The following MGAT4C variants were observed in gnomAD, a reference collection of about 807,000 sequenced individuals.
The protein encoded by MGAT4C is alpha-1,3-mannosyl-glycoprotein 4-beta-N-acetylglucosaminyltransferase C.
MGAT4C carries 19 observed loss-of-function variants against 40.1 expected under a neutral mutation model. That is an observed-to-expected ratio of 0.47 (90% CI 0.33 to 0.70). The LOEUF (loss-of-function observed/expected upper bound fraction) is 0.70. Among genes scored for constraint, MGAT4C ranks in the 30% least tolerant of loss-of-function variants. The pLI, the probability that MGAT4C is intolerant of heterozygous loss-of-function variation, is 0.02. For missense variants in MGAT4C, 491 were observed against 563.2 expected (o/e 0.87, Z 1.30); for synonymous variants, 181 against 187.1 (o/e 0.97, Z 0.27).
At chr12:86,813,951 C>T (rs1001877412) in intron 1 of MGAT4C, among the ~76,000 whole-genome samples, 4 of 151,686 alleles carry the variant, frequency 2.6e-5, no homozygotes, top group Admixed American at 1.3e-4. Flanking sequence ...CGCTCTGTTG[C>T]CTAGGCTAGA....
intron 2 of MGAT4C, among the ~76,000 whole-genome samples, chr12:86,633,024 T>C (rs1963110346): frequency 6.6e-6 from 1 of 152,038 alleles, no homozygotes; most frequent in South Asian, 2.1e-4. Context: ...AAGTGTGTTT[T>C]CTTATTTTAT....
intron 3 of MGAT4C, among the ~76,000 whole-genome samples, chr12:86,395,530 G>C (rs899574418): frequency 3.3e-5 from 5 of 152,084 alleles, no homozygotes; most frequent in African/African-American, 1.2e-4. Context: ...TTAAAGCTTG[G>C]ATTACACATT....
intron 2 of MGAT4C, among the ~76,000 whole-genome samples, chr12:86,571,015 A>G (rs1220312488): frequency 6.6e-6 from 1 of 152,012 alleles, no homozygotes; most frequent in African/African-American, 2.4e-5. Flanking sequence ...GGGTTTCCCC[A>G]TATTGCCCAG....
At chr12:86,127,192 G>A (rs1191264903) in intron 1 of MGAT4C, among the ~76,000 whole-genome samples, 2 of 152,172 alleles carry the variant, frequency 1.3e-5, no homozygotes, top group Non-Finnish European at 2.9e-5. Context: ...TACATACCTA[G>A]GCTATATGGT....
chr12:86,784,533 T>C (rs914282847), intron 1 of MGAT4C, among the ~76,000 whole-genome samples: 13 of 152,078 alleles, frequency 8.5e-5, no homozygotes, highest in African/African-American at 3.1e-4. Context: ...GGCTCCATCC[T>C]TGTGATCTCA....
chr12:85,984,590 C>T (rs1407690562), intron 3 of MGAT4C, among the ~76,000 whole-genome samples: 1 of 152,036 alleles, frequency 6.6e-6, no homozygotes, highest in Non-Finnish European at 1.5e-5. Flanking sequence ...TTTTGATTAT[C>T]TAATCATCAT....
At chr12:86,419,087 T>C (rs1415998338) in intron 3 of MGAT4C, among the ~76,000 whole-genome samples, 8 of 152,144 alleles carry the variant, frequency 5.3e-5, no homozygotes. Flanking sequence ...ATAGTGTGTT[T>C]CAATCAAATG....
intron 2 of MGAT4C, among the ~76,000 whole-genome samples, chr12:86,032,844 C>T (rs1489947052): frequency 6.7e-6 from 1 of 149,740 alleles, no homozygotes; most frequent in African/African-American, 2.4e-5. Context: ...TTGCCAGGTC[C>T]TATGTCCAGA....
At chr12:86,293,088 A>G (rs1250672780) in intron 4 of MGAT4C, among the ~76,000 whole-genome samples, 1 of 152,206 alleles carries the variant, frequency 6.6e-6, no homozygotes, top group Non-Finnish European at 1.5e-5. Flanking sequence ...TAAGATTTCT[A>G]TAACAGATAT....
At chr12:86,266,532 G>C (rs1952791563) in intron 4 of MGAT4C, among the ~76,000 whole-genome samples, 1 of 152,050 alleles carries the variant, frequency 6.6e-6, no homozygotes, top group African/African-American at 2.4e-5. Flanking sequence ...TGTTGTATTT[G>C]GTTTGCTAGT....
At chr12:86,111,571 A>C (rs1187025608) in intron 1 of MGAT4C, among the ~76,000 whole-genome samples, 1 of 151,824 alleles carries the variant, frequency 6.6e-6, no homozygotes, top group Non-Finnish European at 1.5e-5. Context: ...AAAAGTACTA[A>C]AGATTACTTT....
At chr12:86,688,855 G>A (rs776164059) in intron 2 of MGAT4C, among the ~76,000 whole-genome samples, 11 of 152,064 alleles carry the variant, frequency 7.2e-5, no homozygotes, top group African/African-American at 9.7e-5. Context: ...GTATCTTAGC[G>A]GTGCTCTCTA....
chr12:86,376,844 CAGAGAGAG>C (rs71076192), intron 3 of MGAT4C, among the ~76,000 whole-genome samples: 35 of 103,168 alleles, frequency 3.4e-4, no homozygotes, highest in Admixed American at 1.6e-3. Flanking sequence ...GAGAGAGAGA[CAGAGAGAG>C]AGAGAGAGAG....
chr12:86,191,122 C>A (rs1889383709), intron 1 of MGAT4C, among the ~76,000 whole-genome samples: 1 of 142,088 alleles, frequency 7.0e-6, no homozygotes, highest in African/African-American at 3.0e-5. Flanking sequence ...CACACACACA[C>A]ACACACACAC....
intron 2 of MGAT4C, among the ~76,000 whole-genome samples, chr12:86,571,316 G>A (rs1459886593): frequency 1.3e-5 from 2 of 151,794 alleles, no homozygotes; most frequent in Non-Finnish European, 2.9e-5. Flanking sequence ...TACTCTACTG[G>A]GCATAAGATA....
At chr12:86,072,688 G>A (rs1000989741) in intron 1 of MGAT4C, among the ~76,000 whole-genome samples, 3 of 152,018 alleles carry the variant, frequency 2.0e-5, no homozygotes, top group African/African-American at 4.8e-5. Flanking sequence ...GGAGGAGGAT[G>A]GAATGAAGAA....
At chr12:86,593,106 G>T in intron 2 of MGAT4C, among the ~76,000 whole-genome samples, 1 of 150,782 alleles carries the variant, frequency 6.6e-6, no homozygotes. Flanking sequence ...TGTTTCTCTG[G>T]TTTCCTTGAT....
chr12:86,550,290 G>A (rs1426903071), intron 2 of MGAT4C, among the ~76,000 whole-genome samples: 1 of 152,122 alleles, frequency 6.6e-6, no homozygotes, highest in East Asian at 1.9e-4. Flanking sequence ...TGTGAGAATG[G>A]ACTAATACAC....
chr12:86,365,941 T>C, intron 3 of MGAT4C, among the ~76,000 whole-genome samples: 1 of 152,214 alleles, frequency 6.6e-6, no homozygotes, highest in East Asian at 1.9e-4. Flanking sequence ...ATTGGTATTT[T>C]GATAGGGATA....
Sources: allele counts gnomAD v4.1 joint callset (sites outside exome capture counted in the v4.1 genomes callset), GRCh38; gene constraint gnomAD v4.1.1; transcripts MANE v1.5; gene names NCBI Gene and HGNC (gene_info 2026-07-23, HGNC 2026-07-21).